Variants in CACNA2D1 observed in about 807,000 individuals in gnomAD.
CACNA2D1 encodes the protein calcium voltage-gated channel auxiliary subunit alpha2delta 1.
CACNA2D1 carries 53 observed loss-of-function variants against 171.5 expected under a neutral mutation model. The observed-to-expected ratio is 0.31, with a 90% CI of 0.25 to 0.39. The LOEUF is 0.39. Ranked by LOEUF, CACNA2D1 falls within the 10% of genes least tolerant of loss-of-function variation. The pLI is 1.00. For synonymous variants in CACNA2D1, 442 were observed against 443.1 expected (o/e 1.00, Z 0.03); for missense variants, 903 against 1,299.8 (o/e 0.69, Z 4.69).
intron 3 of CACNA2D1, among the ~76,000 whole-genome samples, chr7:82,238,611 C>T (rs924187704): frequency 4.6e-5 from 7 of 152,028 alleles, no homozygotes; most frequent in Admixed American, 1.3e-4. Context: ...AACGCTTATG[C>T]ACTGTTGGTG....
At chr7:82,293,549 T>C (rs890534154) in intron 3 of CACNA2D1, among the ~76,000 whole-genome samples, 1 of 152,178 alleles carries the variant, frequency 6.6e-6, no homozygotes, top group African/African-American at 2.4e-5. Context: ...GAAATTACGT[T>C]TACAAACTCC....
chr7:82,094,161 G>A (rs1405502347), intron 6 of CACNA2D1, among the ~76,000 whole-genome samples: 1 of 151,948 alleles, frequency 6.6e-6, no homozygotes, highest in African/African-American at 2.4e-5. Context: ...CAGATCCATT[G>A]AAGCACAGTA....
At chr7:82,321,103 G>C (rs1414996498) in intron 3 of CACNA2D1, among the ~76,000 whole-genome samples, 1 of 152,068 alleles carries the variant, frequency 6.6e-6, no homozygotes, top group African/African-American at 2.4e-5. Flanking sequence ...CCTGACACTT[G>C]AGAGTGAGAT....
chr7:81,957,231 A>G (rs759613364), intron 38 of CACNA2D1, among the ~76,000 whole-genome samples: 1 of 152,138 alleles, frequency 6.6e-6, no homozygotes, highest in Non-Finnish European at 1.5e-5. Context: ...ATTTTTACAC[A>G]AAAACTTTAT....
At chr7:82,082,287 G>T (rs765807444) in intron 7 of CACNA2D1, among the ~76,000 whole-genome samples, 6 of 152,046 alleles carry the variant, frequency 3.9e-5, no homozygotes, top group Non-Finnish European at 8.8e-5. Flanking sequence ...CAAGAAGAAT[G>T]AGGTTACGCA....
intron 3 of CACNA2D1, among the ~76,000 whole-genome samples, chr7:82,261,788 T>C (rs1807136719): frequency 6.6e-6 from 1 of 152,112 alleles, no homozygotes; most frequent in South Asian, 2.1e-4. Context: ...TGGCATTCCG[T>C]GTTAAAATGG....
At chr7:82,251,405 T>C (rs531913760) in intron 3 of CACNA2D1, among the ~76,000 whole-genome samples, 5 of 152,308 alleles carry the variant, frequency 3.3e-5, no homozygotes, top group East Asian at 1.9e-4. Context: ...TGCTGTAGGC[T>C]TCTGTCGAAA....
intron 1 of CACNA2D1, among the ~76,000 whole-genome samples, chr7:82,380,697 T>C (rs1268718334): frequency 2.0e-5 from 3 of 152,118 alleles, no homozygotes; most frequent in African/African-American, 7.2e-5. Flanking sequence ...TGTATGTGTA[T>C]GTGTGTGTTT....
At chr7:82,101,589 C>T (rs377355666) in intron 6 of CACNA2D1, among the ~76,000 whole-genome samples, 7 of 152,116 alleles carry the variant, frequency 4.6e-5, no homozygotes, top group African/African-American at 7.2e-5. Flanking sequence ...AATTTATTTT[C>T]GGTTTCCATT....
chr7:82,160,586 C>G (rs77987685), intron 4 of CACNA2D1, among the ~76,000 whole-genome samples: 1 of 151,974 alleles, frequency 6.6e-6, no homozygotes, highest in African/African-American at 2.4e-5. Flanking sequence ...TCACTGCTCA[C>G]GCCTCCCAAG....
intron 2 of CACNA2D1, among the ~76,000 whole-genome samples, chr7:82,339,161 C>T (rs1818325882): frequency 6.6e-6 from 1 of 152,156 alleles, no homozygotes; most frequent in African/African-American, 2.4e-5. Flanking sequence ...CTTACTAAAT[C>T]CTTAGTTGAC....
chr7:82,003,322 A>T (rs1050363445), intron 18 of CACNA2D1, among the ~76,000 whole-genome samples: 3 of 152,064 alleles, frequency 2.0e-5, no homozygotes, highest in Admixed American at 1.3e-4. Flanking sequence ...AAATATAAAG[A>T]TATGCAAAGC....
At chr7:82,370,572 T>TGGATGGACGGAC (rs1554528685) in intron 1 of CACNA2D1, among the ~76,000 whole-genome samples, 6 of 151,056 alleles carry the variant, frequency 4.0e-5, no homozygotes, top group Non-Finnish European at 8.9e-5. Context: ...GATGGATGGA[T>TGGATGGACGGAC]GGATGGATAG....
At chr7:82,132,517 C>A (rs1791112259) in intron 5 of CACNA2D1, among the ~76,000 whole-genome samples, 7 of 152,124 alleles carry the variant, frequency 4.6e-5, no homozygotes. Context: ...TGAGACATGC[C>A]CCTAAAGGCA....
chr7:82,436,008 T>A (rs1212310463), intron 1 of CACNA2D1, among the ~76,000 whole-genome samples: 1 of 152,180 alleles, frequency 6.6e-6, no homozygotes, highest in African/African-American at 2.4e-5. Context: ...ACTTTTTCCT[T>A]GGTCATGCTC....
intron 7 of CACNA2D1, among the ~76,000 whole-genome samples, chr7:82,078,194 C>A (rs370051916): frequency 6.6e-6 from 1 of 151,922 alleles, no homozygotes; most frequent in African/African-American, 2.4e-5. Flanking sequence ...CGAGGCAGGG[C>A]AGAGAAAGAA....
rs117731340 is a variant in CACNA2D1, at chr7:82,043,256, T to C, written c.880-5021A>G. 8.4e-4 allele frequency among the ~76,000 whole-genome samples: 128 copies of C among 152,286 alleles called. 1 individual carries two copies. In the East Asian group the frequency reaches 0.017, roughly 20 times the overall value. On this transcript the variant is annotated intron_variant, in intron 10 of 38. Coordinates refer to ENST00000356860, the MANE Select transcript of CACNA2D1 (RefSeq NM_000722.4). ...CAAAAGTACAAATACTCTGTCCAAA[T>C]AGACATTAAAATACTCAAATAAAGA...
rs749009158 is a variant in CACNA2D1, at chr7:81,960,762, TAATAAAAGGCCAATG to T, written c.2967-948_2967-934del. ...CCAATTGCTCTTGCTGGATGTCAATTAATAAAAGGCCAATGTCTGTGAAACTCTGATGTATCCAAT... is the reference window on the plus strand; with the variant it reads ...CCAATTGCTCTTGCTGGATGTCAATTTCTGTGAAACTCTGATGTATCCAAT... On this transcript the variant is annotated intron_variant, in intron 36 of 38. Transcript: ENST00000356860. Among the ~76,000 whole-genome samples, 210 of 152,188 alleles carry T rather than the reference TAATAAAAGGCCAATG, an allele frequency of 1.4e-3. 1 individual carries two copies. The highest frequency in any genetic ancestry group is 5.6e-4 in the Non-Finnish European group (38 of 67,986).
chr7:82,150,241 T>C (rs1793668475), intron 4 of CACNA2D1, among the ~76,000 whole-genome samples: 1 of 145,362 alleles, frequency 6.9e-6, no homozygotes, highest in South Asian at 2.2e-4. Context: ...ACTAACTGCT[T>C]TGCTTTAGAT....
Sources: allele counts gnomAD v4.1 joint callset (sites outside exome capture counted in the v4.1 genomes callset), GRCh38; gene constraint gnomAD v4.1.1; transcripts MANE v1.5; gene names NCBI Gene and HGNC (gene_info 2026-07-23, HGNC 2026-07-21).